The following ASTN2 variants were observed in gnomAD, a reference collection of about 807,000 sequenced individuals.
The protein encoded by ASTN2 is astrotactin-2.
In ASTN2, 54 loss-of-function variants were observed where a neutral mutation model predicts 139.8. That is an observed-to-expected ratio of 0.39 (90% CI 0.31 to 0.48). The LOEUF (loss-of-function observed/expected upper bound fraction) is 0.48, where lower values mean the gene tolerates loss of function less well. Among genes scored for constraint, ASTN2 ranks in the 20% least tolerant of loss-of-function variants. ASTN2 has a pLI of 0.95. For missense variants in ASTN2, 1,565 were observed against 1,725.1 expected, an observed-to-expected ratio of 0.91 and a Z score of 1.64; for synonymous variants, 756 against 719.5, an observed-to-expected ratio of 1.05 and a Z score of -0.81.
intron 1 of ASTN2, among the ~76,000 whole-genome samples, chr9:117,306,239 C>G (rs1490432593): frequency 6.6e-6 from 1 of 152,154 alleles, no homozygotes; most frequent in Non-Finnish European, 1.5e-5. Context: ...GCAAATGTTT[C>G]CAGAGAGCGT....
chr9:116,976,823 G>C, intron 7 of ASTN2, 38 bp from the exon 8 acceptor site: 11 of 1,582,226 alleles, frequency 7.0e-6, no homozygotes, highest in Non-Finnish European at 9.5e-6. Flanking sequence ...GTTAAGTAGA[G>C]TCTCCCCAAA....
chr9:116,703,140 G>A (rs1827890614), intron 16 of ASTN2, among the ~76,000 whole-genome samples: 1 of 151,178 alleles, frequency 6.6e-6, no homozygotes, highest in African/African-American at 2.4e-5. Context: ...TCCAGCACCT[G>A]TTGTTTCCTG....
intron 19 of ASTN2, among the ~76,000 whole-genome samples, chr9:116,575,836 G>A (rs969313485): frequency 1.3e-5 from 2 of 152,152 alleles, no homozygotes; most frequent in African/African-American, 4.8e-5. Flanking sequence ...ATAGTGAGCT[G>A]ATAAGGGAAA....
intron 6 of ASTN2, among the ~76,000 whole-genome samples, chr9:117,025,496 T>C (rs1165057765): frequency 1.3e-5 from 2 of 152,148 alleles, no homozygotes; most frequent in East Asian, 1.9e-4. Flanking sequence ...ACATTAATGC[T>C]TCATTTGAGT....
chr9:117,220,271 A>C (rs191225625), intron 2 of ASTN2, among the ~76,000 whole-genome samples: 2 of 152,028 alleles, frequency 1.3e-5, no homozygotes, highest in East Asian at 3.9e-4. Flanking sequence ...AAAACCCCTC[A>C]TGACTGGGTC....
At chr9:116,519,452 T>A (rs534948125) in intron 19 of ASTN2, among the ~76,000 whole-genome samples, 1 of 152,082 alleles carries the variant, frequency 6.6e-6, no homozygotes, top group South Asian at 2.1e-4. Context: ...AAAAAATCTT[T>A]GAACTGAATG....
chr9:117,134,117 A>G (rs1164418674), intron 4 of ASTN2, among the ~76,000 whole-genome samples: 1 of 151,060 alleles, frequency 6.6e-6, no homozygotes, highest in Non-Finnish European at 1.5e-5. Context: ...AAAGATGGGG[A>G]CCAAAGAAAC....
intron 5 of ASTN2, among the ~76,000 whole-genome samples, chr9:117,059,354 C>T (rs967388811): frequency 6.6e-6 from 1 of 152,160 alleles, no homozygotes; most frequent in Admixed American, 6.5e-5. Flanking sequence ...TGGCTCATGC[C>T]TGTAATCCCA....
chr9:116,696,306 C>CT (rs1363147619), intron 16 of ASTN2, among the ~76,000 whole-genome samples: 1 of 152,146 alleles, frequency 6.6e-6, no homozygotes, highest in South Asian at 2.1e-4. Context: ...TCATTAAAGG[C>CT]TTTTTTGGTG....
rs575374341 is a variant in ASTN2, at chr9:117,280,620, G to A, written c.630+10706C>T. ...AGAGGCAAGACAGGATTCTCCCTTC[G>A]AGCCCCAGGGAGAGTGTGGCCCTGC... On this transcript the variant is annotated intron_variant, in intron 2 of 22. Transcript: ENST00000313400. 3.1e-4 allele frequency among the ~76,000 whole-genome samples: 47 copies of A among 152,208 alleles called. 1 individual carries two copies. Among genetic ancestry groups the A allele is most frequent in the African/African-American group, 9.9e-4 (41 of 41,522 alleles).
intron 19 of ASTN2, among the ~76,000 whole-genome samples, chr9:116,580,056 G>A (rs1853886653): frequency 6.6e-6 from 1 of 152,138 alleles, no homozygotes; most frequent in African/African-American, 2.4e-5. Flanking sequence ...TCCTGACTTC[G>A]TGATCCACCC....
At chr9:117,271,355 C>G (rs1183051563) in intron 2 of ASTN2, among the ~76,000 whole-genome samples, 3 of 152,180 alleles carry the variant, frequency 2.0e-5, no homozygotes, top group African/African-American at 7.2e-5. Flanking sequence ...ATTACCTCCC[C>G]TTGGGTGCTC....
At chr9:116,925,911 C>T (rs1425101387) in intron 10 of ASTN2, among the ~76,000 whole-genome samples, 1 of 151,928 alleles carries the variant, frequency 6.6e-6, no homozygotes, top group African/African-American at 2.4e-5. Context: ...TGCACACATG[C>T]ACATAGGGAT....
chr9:116,737,450 CGT>C (rs112476262), intron 13 of ASTN2, among the ~76,000 whole-genome samples: 12 of 134,784 alleles, frequency 8.9e-5, no homozygotes, highest in Non-Finnish European at 1.4e-4. Flanking sequence ...TCTTAGCGCT[CGT>C]GTGTGTGTGT....
intron 5 of ASTN2, among the ~76,000 whole-genome samples, chr9:117,090,597 G>T (rs991618582): frequency 6.6e-6 from 1 of 152,222 alleles, no homozygotes; most frequent in South Asian, 2.1e-4. Flanking sequence ...TGAAGGGAAA[G>T]AAAATATTAG....
At chr9:116,772,338 C>T (rs1022769819) in intron 13 of ASTN2, among the ~76,000 whole-genome samples, 1 of 152,150 alleles carries the variant, frequency 6.6e-6, no homozygotes, top group African/African-American at 2.4e-5. Flanking sequence ...TTATAATGGG[C>T]AGTTCCCCTG....
chr9:116,604,066 T>C (rs1855057636), intron 19 of ASTN2, among the ~76,000 whole-genome samples: 1 of 152,168 alleles, frequency 6.6e-6, no homozygotes, highest in South Asian at 2.1e-4. Flanking sequence ...CCCACCATAC[T>C]ATCCCAGCAA....
chr9:116,432,429 A>G (rs1444626646), intron 22 of ASTN2, among the ~76,000 whole-genome samples: 5 of 152,226 alleles, frequency 3.3e-5, no homozygotes, highest in Admixed American at 1.3e-4. Context: ...CTCGGACTCC[A>G]ACACTTAGTG....
Position 116,726,054 on chromosome 9 carries a change from C to A in ASTN2, c.2627-104G>T, listed in dbSNP as rs938580456. 11 of 1,103,128 alleles carry A rather than the reference C, an allele frequency of 1.0e-5. No homozygotes were observed. In the Admixed American group the frequency reaches 1.0e-4, roughly 10 times the overall value. 68.3% of individuals were successfully genotyped at this position (1,103,128 alleles called of 1,614,324 possible). Reference sequence around the variant, plus strand: ...TTCCCAACCTGTATTTTGTGCCTTACCCCTCAGCACAGTGGCAGCTTGGTG... The same window carrying A: ...TTCCCAACCTGTATTTTGTGCCTTAACCCTCAGCACAGTGGCAGCTTGGTG... On this transcript the variant is annotated intron_variant, in intron 15 of 22. Coordinates refer to ENST00000313400, the MANE Select transcript of ASTN2 (RefSeq NM_001365068.1).
Sources: gnomAD v4.1 joint callset for allele counts (sites outside exome capture counted in the v4.1 genomes callset) on GRCh38, gnomAD v4.1.1 for gene constraint, MANE v1.5 for transcripts, NCBI Gene and HGNC (gene_info 2026-07-23, HGNC 2026-07-21) for gene names.